Variants in TXLNB observed in about 807,000 individuals in gnomAD.
TXLNB encodes taxilin beta, also known as beta-taxilin.
In TXLNB, 37 loss-of-function variants were observed where a neutral mutation model predicts 57.4. The observed-to-expected ratio is 0.64, with a 90% CI of 0.50 to 0.85. The LOEUF (loss-of-function observed/expected upper bound fraction) is 0.85. Ranked by LOEUF, TXLNB falls within the 40% of genes least tolerant of loss-of-function variation. The pLI is 0.00. For missense variants in TXLNB, 848 were observed against 825.6 expected, an observed-to-expected ratio of 1.03 and a Z score of -0.33; for synonymous variants, 302 against 309.6, an observed-to-expected ratio of 0.98 and a Z score of 0.26.
At chr6:139,312,440 G>A in the TXLNB span, among the ~76,000 whole-genome samples, 3 of 152,214 alleles carry the variant, frequency 2.0e-5, no homozygotes, top group Non-Finnish European at 2.9e-5. Context: ...TGAGGATTCT[G>A]AAGTTAAGTG....
At chr6:139,222,351 T>C in the TXLNB span, among the ~76,000 whole-genome samples, 17 of 152,320 alleles carry the variant, frequency 1.1e-4, no homozygotes, top group South Asian at 2.1e-4. Context: ...AAGCTCATAC[T>C]TATATCACAC....
downstream of TXLNB, chr6:139,237,602 C>T (rs1413159839): frequency 6.6e-6 from 1 of 151,176 alleles, no homozygotes; most frequent in Non-Finnish European, 1.5e-5. Context: ...GTAACAGACA[C>T]AATAGCTATC....
At chr6:139,212,316 C>A in the TXLNB span, among the ~76,000 whole-genome samples, 1 of 152,140 alleles carries the variant, frequency 6.6e-6, no homozygotes, top group South Asian at 2.1e-4. Flanking sequence ...AGAGTGGGGG[C>A]CAATATTCAA....
the TXLNB span, among the ~76,000 whole-genome samples, chr6:139,233,856 A>T: frequency 6.6e-6 from 1 of 152,210 alleles, no homozygotes; most frequent in Non-Finnish European, 1.5e-5. Flanking sequence ...ACTGGGTAAC[A>T]GGCAGAGGTT....
intron 7 of TXLNB, among the ~76,000 whole-genome samples, chr6:139,253,904 G>A (rs1776271751): frequency 6.6e-6 from 1 of 152,158 alleles, no homozygotes; most frequent in South Asian, 2.1e-4. Context: ...GGCTCTGTGT[G>A]GTGAATGAGG....
At chr6:139,232,943 T>C in the TXLNB span, among the ~76,000 whole-genome samples, 2 of 152,238 alleles carry the variant, frequency 1.3e-5, no homozygotes, top group South Asian at 2.1e-4. Flanking sequence ...TATGTGTGTG[T>C]TGAAATCTTT....
At chr6:139,315,614 A>G in the TXLNB span, among the ~76,000 whole-genome samples, 1 of 152,232 alleles carries the variant, frequency 6.6e-6, no homozygotes, top group African/African-American at 2.4e-5. Flanking sequence ...GTTCACACAA[A>G]TAGAATATTT....
chr6:139,193,422 T>G, the TXLNB span, among the ~76,000 whole-genome samples: 1 of 152,034 alleles, frequency 6.6e-6, no homozygotes, highest in African/African-American at 2.4e-5. Context: ...AAACATCTAT[T>G]TCTTGCTCAT....
chr6:139,174,654 T>C, the TXLNB span: 1 of 1,456,880 alleles, frequency 6.9e-7, no homozygotes, highest in Non-Finnish European at 9.2e-7. Context: ...CAATGATGGC[T>C]GAGTTACTAC....
chr6:139,301,802 A>C, the TXLNB span, among the ~76,000 whole-genome samples: 80,049 of 151,978 alleles, frequency 0.53, 21,478 homozygotes, highest in Non-Finnish European at 0.58. Flanking sequence ...ACCATAGTAC[A>C]TATTTTAGTA....
the TXLNB span, among the ~76,000 whole-genome samples, chr6:139,171,790 C>T: frequency 1.3e-5 from 2 of 151,620 alleles, no homozygotes; most frequent in South Asian, 4.2e-4. Context: ...CCACACTCGG[C>T]TTATTTAATT....
At chr6:139,291,809 A>G (rs1777305264) in intron 1 of TXLNB, 112 bp downstream of exon 1, 1 of 152,194 alleles carries the variant, frequency 6.6e-6, no homozygotes, top group Non-Finnish European at 1.5e-5. Flanking sequence ...AAATACAACA[A>G]TGAAAAGTTC....
intron 6 of TXLNB, 23 bp downstream of exon 6, chr6:139,260,295 A>C (rs771323505): frequency 6.2e-7 from 1 of 1,613,462 alleles, no homozygotes; most frequent in South Asian, 1.1e-5. Context: ...CCAGATATGC[A>C]CAACGACTAA....
intron 7 of TXLNB, among the ~76,000 whole-genome samples, chr6:139,254,088 G>A (rs1486896710): frequency 6.6e-6 from 1 of 152,070 alleles, no homozygotes; most frequent in Non-Finnish European, 1.5e-5. Context: ...GACACATTAT[G>A]GTTCTAACTT....
chr6:139,160,657 C>T, the TXLNB span, among the ~76,000 whole-genome samples: 1 of 152,186 alleles, frequency 6.6e-6, no homozygotes, highest in Non-Finnish European at 1.5e-5. Flanking sequence ...GCAAGTGATT[C>T]TCTGGCCTCA....
At chr6:139,218,530 A>G in the TXLNB span, among the ~76,000 whole-genome samples, 27 of 152,132 alleles carry the variant, frequency 1.8e-4, no homozygotes, top group Non-Finnish European at 4.0e-4. Context: ...AGGTGGGTGG[A>G]TCATCTGAGG....
chr6:139,228,226 G>C, the TXLNB span, among the ~76,000 whole-genome samples: 2 of 151,988 alleles, frequency 1.3e-5, no homozygotes, highest in Non-Finnish European at 2.9e-5. Flanking sequence ...TCTTAAAAAG[G>C]GAAACTAGGC....
At chr6:139,287,660 G>C (rs1305640764) in intron 2 of TXLNB, among the ~76,000 whole-genome samples, 1 of 152,172 alleles carries the variant, frequency 6.6e-6, no homozygotes, top group East Asian at 1.9e-4. Context: ...GTATCACATA[G>C]GAGGGAGTAT....
chr6:139,178,436 A>G, the TXLNB span: 1 of 151,666 alleles, frequency 6.6e-6, no homozygotes, highest in Admixed American at 6.6e-5. Flanking sequence ...GCAGAAAATC[A>G]TTTTATGAAT....
Sources: gnomAD v4.1 joint callset for allele counts (sites outside exome capture counted in the v4.1 genomes callset) on GRCh38, gnomAD v4.1.1 for gene constraint, MANE v1.5 for transcripts, NCBI Gene and HGNC (gene_info 2026-07-23, HGNC 2026-07-21) for gene names.